Variants in ERI3 observed in about 807,000 individuals in gnomAD.
ERI3 encodes the protein ERI1 exoribonuclease family member 3.
Under a neutral mutation model 44.4 loss-of-function variants are expected in ERI3, and 18 were observed. That is an observed-to-expected ratio of 0.41 (90% CI 0.28 to 0.60). ERI3 has a LOEUF of 0.60. ERI3 is among the 20% of genes least tolerant of loss of function. ERI3 has a pLI of 0.36. For synonymous variants in ERI3, 183 were observed against 164.8 expected (o/e 1.11, Z -0.84); for missense variants, 294 against 435.5 (o/e 0.68, Z 2.89).
chr1:44,287,834 G>A (rs1468091534), intron 6 of ERI3, among the ~76,000 whole-genome samples: 1 of 152,220 alleles, frequency 6.6e-6, no homozygotes, highest in Non-Finnish European at 1.5e-5. Context: ...AGGTCTATGA[G>A]TGAAGGGGGC....
chr1:44,335,563 C>A (rs1456987587), intron 3 of ERI3, among the ~76,000 whole-genome samples: 2 of 151,862 alleles, frequency 1.3e-5, no homozygotes, highest in Non-Finnish European at 2.9e-5. Flanking sequence ...AGTTCAAGAC[C>A]AGCCTGACCA....
At chr1:44,222,310 GTCC>G (rs1047939185) in intron 8 of ERI3, among the ~76,000 whole-genome samples, 4 of 152,230 alleles carry the variant, frequency 2.6e-5, no homozygotes, top group African/African-American at 7.2e-5. Context: ...CAGATTTGTG[GTCC>G]TCCTCTTAGC....
chr1:44,258,076 C>CA (rs1644815762), intron 7 of ERI3, among the ~76,000 whole-genome samples: 1 of 152,186 alleles, frequency 6.6e-6, no homozygotes, highest in African/African-American at 2.4e-5. Context: ...TCAGGGGTGT[C>CA]AGAACCAGTC....
intron 7 of ERI3, among the ~76,000 whole-genome samples, chr1:44,284,600 C>T (rs1645353805): frequency 6.6e-6 from 1 of 152,210 alleles, no homozygotes; most frequent in South Asian, 2.1e-4. Context: ...GTCTGGGGGA[C>T]ACCAACTAGG....
At chr1:44,294,965 C>T (rs769315426) in intron 6 of ERI3, among the ~76,000 whole-genome samples, 36 of 152,172 alleles carry the variant, frequency 2.4e-4, no homozygotes, top group East Asian at 1.9e-4. Context: ...GTCTGACCTC[C>T]GCTCTCATAT....
intron 7 of ERI3, among the ~76,000 whole-genome samples, chr1:44,277,529 A>G (rs1165441484): frequency 1.3e-5 from 2 of 152,104 alleles, no homozygotes; most frequent in Non-Finnish European, 2.9e-5. Context: ...GTTCACTCCA[A>G]TTTGGCTCCT....
intron 4 of ERI3, among the ~76,000 whole-genome samples, chr1:44,318,324 G>T (rs1393228255): frequency 1.3e-5 from 2 of 152,328 alleles, no homozygotes; most frequent in African/African-American, 4.8e-5. Flanking sequence ...CAGGTAACTG[G>T]CTGGCTTAAA....
chr1:44,299,860 A>G (rs1355206256), intron 6 of ERI3, among the ~76,000 whole-genome samples: 1 of 152,124 alleles, frequency 6.6e-6, no homozygotes, highest in Non-Finnish European at 1.5e-5. Context: ...GGCCCTCTGA[A>G]GCAGCCTGTC....
At chr1:44,352,572 GT>G (rs1646917102) in intron 2 of ERI3, among the ~76,000 whole-genome samples, 1 of 152,152 alleles carries the variant, frequency 6.6e-6, no homozygotes, top group Admixed American at 6.5e-5. Context: ...CCTAAAGTAG[GT>G]GCTCATGAGA....
intron 3 of ERI3, among the ~76,000 whole-genome samples, chr1:44,327,835 G>A (rs2154330045): frequency 6.6e-6 from 1 of 152,298 alleles, no homozygotes; most frequent in Middle Eastern, 3.4e-3. Flanking sequence ...CAGAGGCTTG[G>A]TTAGACAAAG....
At chr1:44,310,590 G>C (rs1645933600) in intron 5 of ERI3, among the ~76,000 whole-genome samples, 1 of 152,160 alleles carries the variant, frequency 6.6e-6, no homozygotes, top group South Asian at 2.1e-4. Flanking sequence ...CGTGTGCTCA[G>C]CAGGAAAGAG....
chr1:44,320,473 G>A (rs1350475944), intron 3 of ERI3, among the ~76,000 whole-genome samples: 2 of 152,168 alleles, frequency 1.3e-5, no homozygotes, highest in Non-Finnish European at 2.9e-5. Context: ...ACAGCACCAA[G>A]GTCCTGGTGT....
chr1:44,339,015 C>T (rs112241761), intron 3 of ERI3, 30 bp downstream of exon 3: 2 of 1,601,676 alleles, frequency 1.2e-6, no homozygotes, highest in South Asian at 1.1e-5. Context: ...GCCCCCCCCA[C>T]CTTTTCTAAA....
chr1:44,269,932 C>T (rs1645057950), intron 7 of ERI3, among the ~76,000 whole-genome samples: 2 of 152,180 alleles, frequency 1.3e-5, no homozygotes, highest in South Asian at 4.1e-4. Flanking sequence ...AAGTATCCAA[C>T]ACAGATGGCA....
At chr1:44,322,684 A>G in intron 3 of ERI3, 1 of 1,512,666 alleles carries the variant, frequency 6.6e-7, no homozygotes, top group Non-Finnish European at 8.9e-7. Flanking sequence ...AGACTCTCTG[A>G]GAAATTAGAG....
chr1:44,238,435 A>G (rs1052712773), intron 8 of ERI3, among the ~76,000 whole-genome samples: 2 of 152,106 alleles, frequency 1.3e-5, no homozygotes, highest in Non-Finnish European at 2.9e-5. Flanking sequence ...GTGGGACGGG[A>G]CAGGTCGGGG....
intron 6 of ERI3, among the ~76,000 whole-genome samples, chr1:44,291,866 C>A (rs1023250082): frequency 6.6e-6 from 1 of 152,188 alleles, no homozygotes; most frequent in Non-Finnish European, 1.5e-5. Flanking sequence ...GAGAAGGCAC[C>A]TTGGGACTCA....
chr1:44,229,865 G>A (rs1644136017), intron 8 of ERI3, among the ~76,000 whole-genome samples: 1 of 152,172 alleles, frequency 6.6e-6, no homozygotes, highest in African/African-American at 2.4e-5. Context: ...CTCTTGGGAA[G>A]GAGGAGACTG....
At chr1:44,261,019 CCT>C (rs1316029015) in intron 7 of ERI3, among the ~76,000 whole-genome samples, 1 of 152,164 alleles carries the variant, frequency 6.6e-6, no homozygotes, top group African/African-American at 2.4e-5. Flanking sequence ...CTCCCTGACC[CCT>C]GACATCCATT....
Sources: allele counts gnomAD v4.1 joint callset (sites outside exome capture counted in the v4.1 genomes callset), GRCh38; gene constraint gnomAD v4.1.1; transcripts MANE v1.5; gene names NCBI Gene and HGNC (gene_info 2026-07-23, HGNC 2026-07-21).